The following ECT2 variants were observed in gnomAD, a reference collection of about 807,000 sequenced individuals.
ECT2 encodes the protein epithelial cell transforming 2, also known as protein ECT2.
Under a neutral mutation model 116.9 loss-of-function variants are expected in ECT2, and 61 were observed. That is an observed-to-expected ratio of 0.52 (90% CI 0.42 to 0.65). The LOEUF (loss-of-function observed/expected upper bound fraction) is 0.65, where lower values mean the gene tolerates loss of function less well. Among genes scored for constraint, ECT2 ranks in the 30% least tolerant of loss-of-function variants. The pLI is 0.00. For missense variants in ECT2, 937 were observed against 1,078.7 expected (o/e 0.87, Z 1.84); for synonymous variants, 358 against 346.4 (o/e 1.03, Z -0.37).
In ECT2 at chr3:172,755,275, AACATTTT is replaced by A. The variant is rs779222489; in HGVS notation, c.131-11_131-5del. 1 of 1,579,412 alleles carries A rather than the reference AACATTTT, an allele frequency of 6.3e-7. No individual in the cohort carries two copies. The highest frequency in any genetic ancestry group is 8.6e-7 in the Non-Finnish European group (1 of 1,166,118). ...GATGTTAATACATGATAAACATTGA[AACATTTT>A]ACATTTTAACAGAAGAGATGCCTCA... On this transcript the variant is annotated splice_polypyrimidine_tract_variant and intron_variant, in intron 2 of 24. Coordinates refer to ENST00000392692, the MANE Select transcript of ECT2 (RefSeq NM_001258315.2).
Position 172,764,324 on chromosome 3 carries a change from ATACCCC to A in ECT2, c.1118_1123del (p.Thr373_Pro374del). The stretch of plus-strand genomic sequence containing the variant: ...AAATCAGTGTCAATGCTTTCTCTAA[ATACCCC>A]TAACAGCAATCGCAAACGACGTCGT... On this transcript the variant is annotated inframe_deletion, in exon 12 of 25. Transcript: ENST00000392692. 1 of 1,614,166 alleles carries A rather than the reference ATACCCC, an allele frequency of 6.2e-7. No individual in the cohort carries two copies. The highest frequency in any genetic ancestry group is 8.5e-7 in the Non-Finnish European group (1 of 1,179,998).
intron 22 of ECT2, among the ~76,000 whole-genome samples, chr3:172,810,195 C>T (rs1218438356): frequency 3.9e-5 from 6 of 152,068 alleles, no homozygotes; most frequent in African/African-American, 7.2e-5. Flanking sequence ...TAACCTTTCC[C>T]GAAGTTTGGT....
At chr3:172,768,158 G>GT (rs111683371) in intron 12 of ECT2, among the ~76,000 whole-genome samples, 1,527 of 152,196 alleles carry the variant, frequency 0.01, 31 homozygotes, top group African/African-American at 0.034. Context: ...TTAATATTGG[G>GT]TTTTTTGTGG....
intron 21 of ECT2, among the ~76,000 whole-genome samples, chr3:172,807,324 G>A (rs537669304): frequency 2.6e-5 from 4 of 151,616 alleles, no homozygotes; most frequent in African/African-American, 4.9e-5. Context: ...TACTATTTTC[G>A]GTCAGCAGTT....
rs1718897222 is a variant in ECT2 at position 172,764,275 on chromosome 3, C to T, written c.1069-3C>T. The stretch of plus-strand genomic sequence containing the variant: ...AATTGAGCTTGTGTGCTTTTGATTA[C>T]AGGCAAATACTCCTGAGCTCAAGAA... On this transcript the variant is annotated splice_polypyrimidine_tract_variant and splice_region_variant and intron_variant, in intron 11 of 24. Coordinates refer to ENST00000392692, the MANE Select transcript of ECT2 (RefSeq NM_001258315.2). The T allele has an allele frequency of 6.2e-7, 1 of 1,612,884 alleles. No individual in the cohort carries two copies. The highest frequency in any genetic ancestry group is 1.7e-5 in the Admixed American group (1 of 59,996).
intron 14 of ECT2, among the ~76,000 whole-genome samples, chr3:172,780,421 A>G (rs1722490314): frequency 6.6e-6 from 1 of 152,144 alleles, no homozygotes; most frequent in African/African-American, 2.4e-5. Flanking sequence ...TGGTGTGCAG[A>G]TCCATGTGGA....
At chr3:172,752,827 A>G (rs1352202019) in intron 1 of ECT2, among the ~76,000 whole-genome samples, 1 of 152,156 alleles carries the variant, frequency 6.6e-6, no homozygotes, top group Admixed American at 6.5e-5. Context: ...CCAATGTGGA[A>G]ACTGAGGTTT....
intron 1 of ECT2, among the ~76,000 whole-genome samples, chr3:172,754,301 T>C (rs187734245): frequency 7.4e-4 from 112 of 152,186 alleles, no homozygotes; most frequent in African/African-American, 2.6e-3. Flanking sequence ...ACATTGTTAT[T>C]TTTATTATAT....
At chr3:172,806,415 T>C (rs549404341) in intron 21 of ECT2, among the ~76,000 whole-genome samples, 22 of 152,154 alleles carry the variant, frequency 1.4e-4, no homozygotes, top group Non-Finnish European at 2.5e-4. Context: ...GCAGGTTCTC[T>C]GAAGGCCTGA....
At chr3:172,779,838 G>A (rs1235153145) in intron 14 of ECT2, among the ~76,000 whole-genome samples, 2 of 151,414 alleles carry the variant, frequency 1.3e-5, no homozygotes, top group Non-Finnish European at 2.9e-5. Flanking sequence ...GGTGGTTGAG[G>A]CTACAGTGAG....
At chr3:172,817,216 T>A (rs1488307907) in intron 24 of ECT2, among the ~76,000 whole-genome samples, 2 of 150,966 alleles carry the variant, frequency 1.3e-5, no homozygotes, top group African/African-American at 4.9e-5. Flanking sequence ...GGGAGAGGAG[T>A]TCTCCCCTAG....
downstream of ECT2, among the ~76,000 whole-genome samples, chr3:172,823,807 G>A (rs762050000): frequency 1.3e-4 from 19 of 151,966 alleles, no homozygotes; most frequent in Non-Finnish European, 2.1e-4. Flanking sequence ...AATCTTTTCT[G>A]GTGGAGGATC....
intron 11 of ECT2, among the ~76,000 whole-genome samples, chr3:172,763,939 AG>A (rs1679156469): frequency 6.6e-6 from 1 of 152,256 alleles, no homozygotes; most frequent in African/African-American, 2.4e-5. Flanking sequence ...CATTGTGTCC[AG>A]GCACTGTGCT....
At chr3:172,797,631 C>T (rs2108939052) in intron 18 of ECT2, among the ~76,000 whole-genome samples, 2 of 152,288 alleles carry the variant, frequency 1.3e-5, no homozygotes, top group East Asian at 3.9e-4. Context: ...CTCTTTTCAT[C>T]TGGCTCAACT....
At chr3:172,787,396 T>C (rs1389888350) in intron 18 of ECT2, among the ~76,000 whole-genome samples, 2 of 152,094 alleles carry the variant, frequency 1.3e-5, no homozygotes, top group Non-Finnish European at 2.9e-5. Context: ...AAATTAGTTA[T>C]TACCAGCTTT....
At chr3:172,808,649 T>C (rs75415790) in intron 22 of ECT2, among the ~76,000 whole-genome samples, 79 of 152,260 alleles carry the variant, frequency 5.2e-4, no homozygotes, top group African/African-American at 1.9e-3. Context: ...TAGACAGATA[T>C]AGACCTCTTA....
At chr3:172,796,971 G>A (rs1725764098) in intron 18 of ECT2, among the ~76,000 whole-genome samples, 1 of 149,894 alleles carries the variant, frequency 6.7e-6, no homozygotes, top group South Asian at 2.2e-4. Context: ...ATTTCTTAAG[G>A]TAGCATTTTC....
At position 172,786,476 on chromosome 3, in the gene ECT2, A is replaced by C; in HGVS notation, c.1826-17A>C. Reference sequence around the variant, plus strand: ...ACTGAATTTTTTATGCATGGAAAAAACATTGTATTATTACAGATCTTAAGA... The same window carrying C: ...ACTGAATTTTTTATGCATGGAAAAACCATTGTATTATTACAGATCTTAAGA... On this transcript the variant is annotated splice_polypyrimidine_tract_variant and intron_variant, in intron 17 of 24. Transcript: ENST00000392692. The C allele has an allele frequency of 6.4e-7, 1 of 1,559,780 alleles. No homozygotes were observed. The highest frequency in any genetic ancestry group is 8.8e-7 in the Non-Finnish European group (1 of 1,142,688).
chr3:172,816,287 T>C (rs1204783696), intron 23 of ECT2, among the ~76,000 whole-genome samples: 2 of 152,182 alleles, frequency 1.3e-5, no homozygotes, highest in African/African-American at 4.8e-5. Context: ...TTAATAATTT[T>C]TGTATCTCCT....
Sources: gnomAD v4.1 joint callset for allele counts (sites outside exome capture counted in the v4.1 genomes callset) on GRCh38, gnomAD v4.1.1 for gene constraint, MANE v1.5 for transcripts, NCBI Gene and HGNC (gene_info 2026-07-23, HGNC 2026-07-21) for gene names.